OSBPL5: variants seen among roughly 807,000 people sequenced by gnomAD.
OSBPL5 encodes oxysterol-binding protein-related protein 5.
In OSBPL5, 71 loss-of-function variants were observed where a neutral mutation model predicts 111.2. That is an observed-to-expected ratio of 0.64 (90% CI 0.53 to 0.78). The LOEUF is 0.78. Ranked by LOEUF, OSBPL5 falls within the 30% of genes least tolerant of loss-of-function variation. The probability of loss-of-function intolerance (pLI) is 0.00; values close to 1 mark genes in which losing one functional copy is unlikely to be tolerated. For missense variants in OSBPL5, 1,210 were observed against 1,189.3 expected (o/e 1.02, Z -0.26); for synonymous variants, 549 against 513.9 (o/e 1.07, Z -0.93).
rs966178501 is a variant in OSBPL5 at position 3,109,063 on chromosome 11, G to A, written c.692-1118C>T. Reference sequence around the variant, plus strand: ...GATTACAGGTGTGAGCCACCACACCGGGTCAATAAGTGTGTTTTTTGTTTT... The same window carrying A: ...GATTACAGGTGTGAGCCACCACACCAGGTCAATAAGTGTGTTTTTTGTTTT... On this transcript the variant is annotated intron_variant, in intron 7 of 21. Transcript: ENST00000263650. This position sits in a 1 kb window ranked among gnomAD's most constrained non-coding sequence, Gnocchi z 7.4. 4.4e-4 allele frequency among the ~76,000 whole-genome samples: 65 copies of A among 148,922 alleles called. No homozygotes were observed. Among genetic ancestry groups the A allele is most frequent in the African/African-American group, 1.5e-3 (60 of 40,390 alleles).
rs1414014517 is a variant in OSBPL5, at chr11:3,104,937, C to T, written c.1060-560G>A. Among the ~76,000 whole-genome samples, 8 of 152,152 alleles carry T rather than the reference C, an allele frequency of 5.3e-5. No homozygotes were observed. Among genetic ancestry groups the T allele is most frequent in the South Asian group, 2.1e-4 (1 of 4,836 alleles). On this transcript the variant is annotated intron_variant, in intron 9 of 21. Coordinates refer to ENST00000263650, the MANE Select transcript of OSBPL5 (RefSeq NM_020896.4). This position sits in a 1 kb window ranked among gnomAD's most constrained non-coding sequence, Gnocchi z 5.0. Reference sequence around the variant, plus strand: ...GGAGGTGAGCCTGCTCCTGCAAAACCGACACGGGCATGTGAACTCACCCCT... The same window carrying T: ...GGAGGTGAGCCTGCTCCTGCAAAACTGACACGGGCATGTGAACTCACCCCT...
chr11:3,101,620 G>C lies in OSBPL5; in HGVS notation c.1505C>G (p.Ala502Gly). 6.2e-7 allele frequency: 1 copy of C among 1,613,888 alleles called. No individual in the cohort carries two copies. Among genetic ancestry groups the C allele is most frequent in the South Asian group, 1.1e-5 (1 of 91,066 alleles). ...DGFCISGSIT[A>G]KSRFYGNSLS... is the part of the protein sequence containing the mutation. ...CCCCTCACCATAAAACCTGGACTTG[G>C]CTGTGATGCTGCCACTGATGCAGAA... Residue 502 changes from alanine to glycine, a missense_variant, in exon 13 of 22, where the codon GCC (alanine) becomes GGC (glycine). Transcript: ENST00000263650.
At chr11:3,090,017 G>T in intron 20 of OSBPL5, 69 bp from the exon 21 acceptor site, 2 of 1,262,334 alleles carry the variant, frequency 1.6e-6, no homozygotes, top group Non-Finnish European at 2.2e-6. Flanking sequence ...GTCCAGTGGG[G>T]CTGGCACGTG....
rs368266909 is a variant in OSBPL5, at chr11:3,088,311, C to G, written c.2534G>C (p.Arg845Pro). 4 of 1,599,038 alleles carry G rather than the reference C, an allele frequency of 2.5e-6. No homozygotes were observed. Among genetic ancestry groups the G allele is most frequent in the Non-Finnish European group, 3.4e-6 (4 of 1,173,820 alleles). The change falls in exon 22 of 22, where the codon CGG becomes CCG. Residue 845 changes from arginine to proline, a missense_variant. Arg to Pro is a moderately radical substitution (Grantham distance 103). Transcript: ENST00000263650. ...HLSAMLSSTA[R>P]AAQAPTPGLL... ...GCCTGGGGTCGGTGCCTGTGCTGCCCGTGCCGTGGAGCTCAGCATGGCCGA... is the reference window on the plus strand; with the variant it reads ...GCCTGGGGTCGGTGCCTGTGCTGCCGGTGCCGTGGAGCTCAGCATGGCCGA...
chr11:3,131,390 C>A (rs1164645297), intron 1 of OSBPL5, among the ~76,000 whole-genome samples: 1 of 151,258 alleles, frequency 6.6e-6, no homozygotes, highest in Non-Finnish European at 1.5e-5. Context: ...TTCATCCATC[C>A]ATCCATCCAT....
chr11:3,094,009 G>A (rs921381808), intron 15 of OSBPL5, among the ~76,000 whole-genome samples, 174 bp from the exon 16 acceptor site: 7 of 152,176 alleles, frequency 4.6e-5, no homozygotes, highest in African/African-American at 1.7e-4. Context: ...GCTCAAGGAT[G>A]TAGTGTCCCT....
chr11:3,145,034 G>A (rs72844096), intron 1 of OSBPL5, among the ~76,000 whole-genome samples: 2 of 152,342 alleles, frequency 1.3e-5, no homozygotes, highest in African/African-American at 2.4e-5. Flanking sequence ...GAGGCCTTTG[G>A]GGGGCAGCCT....
rs958921908 is a variant in OSBPL5 at position 3,161,355 on chromosome 11, C to G, written c.-22+3861G>C. ...GATGATGGGACTCTGGGAAGAGTCA[C>G]GCCCTCTTGTCCTTCCCATCCTAGA... On this transcript the variant is annotated intron_variant, in intron 1 of 21. Transcript: ENST00000263650. This position sits in a 1 kb window ranked among gnomAD's most constrained non-coding sequence, Gnocchi z 8.0. 2 of 152,186 alleles carry G rather than the reference C, an allele frequency of 1.3e-5. No individual in the cohort carries two copies. Among genetic ancestry groups the G allele is most frequent in the African/African-American group, 2.4e-5 (1 of 41,440 alleles). 9.4% of individuals were successfully genotyped at this position (152,186 alleles called of 1,614,324 possible).
At chr11:3,120,036 A>G in intron 6 of OSBPL5, 1 of 411,514 alleles carries the variant, frequency 2.4e-6, no homozygotes, top group Non-Finnish European at 4.4e-6. Flanking sequence ...CTGAAATCCA[A>G]ATGTAACCAG....
At chr11:3,102,312 C>A in intron 11 of OSBPL5, 31 bp from the exon 12 acceptor site, 1 of 1,564,558 alleles carries the variant, frequency 6.4e-7, no homozygotes, top group South Asian at 1.2e-5. Context: ...TGTGAGGAGC[C>A]AGGTGGGTAA....
intron 5 of OSBPL5, among the ~76,000 whole-genome samples, 186 bp from the exon 6 acceptor site, chr11:3,120,810 C>T (rs1270821409): frequency 6.6e-6 from 1 of 152,214 alleles, no homozygotes; most frequent in Non-Finnish European, 1.5e-5. Flanking sequence ...GGGTGATGTC[C>T]TGTGTCTATC....
chr11:3,093,708 C>T, intron 16 of OSBPL5, 38 bp downstream of exon 16: 1 of 1,612,522 alleles, frequency 6.2e-7, no homozygotes, highest in Non-Finnish European at 8.5e-7. Flanking sequence ...CTGGCGTTGA[C>T]CGCCCGGCCG....
chr11:3,134,857 G>A (rs977327665), intron 1 of OSBPL5, among the ~76,000 whole-genome samples: 4 of 152,196 alleles, frequency 2.6e-5, no homozygotes, highest in African/African-American at 7.2e-5. Context: ...GGAGGGGCAA[G>A]TGTGGGTGCC....
intron 1 of OSBPL5, among the ~76,000 whole-genome samples, chr11:3,135,484 G>A (rs1421584345): frequency 2.0e-5 from 3 of 152,362 alleles, no homozygotes; most frequent in Non-Finnish European, 4.4e-5. Flanking sequence ...TCTGGGCAAG[G>A]AGGTGGATGC....
intron 1 of OSBPL5, among the ~76,000 whole-genome samples, chr11:3,157,927 G>A (rs1846831329): frequency 6.6e-6 from 1 of 152,204 alleles, no homozygotes; most frequent in African/African-American, 2.4e-5. Flanking sequence ...AGCACACTGG[G>A]GCCAAGCACC....
At position 3,087,908 on chromosome 11, in the gene OSBPL5, A is replaced by C; in HGVS notation, c.*297T>G. ...ATCCCCCATGGCAAGTGGAGGCCGG[A>C]CAGGGGGTGACACGGCAAGATGGCC... is the stretch of plus-strand genomic sequence containing the variant. On this transcript the variant is annotated 3_prime_UTR_variant, in exon 22 of 22. Coordinates refer to ENST00000263650, the MANE Select transcript of OSBPL5 (RefSeq NM_020896.4). 1 of 256,912 alleles carries C rather than the reference A, an allele frequency of 3.9e-6. No homozygotes were observed. The highest frequency in any genetic ancestry group is 7.3e-6 in the Non-Finnish European group (1 of 136,480). The allele number at this position is 256,912 out of a possible 1,614,324, so 15.9% of individuals were successfully genotyped here. A position where few individuals can be genotyped will look rare whatever the true frequency, so the allele number is the denominator to read the frequency against.
At position 3,092,954 on chromosome 11, in the gene OSBPL5, C is replaced by T. The variant is rs138921217; in HGVS notation, c.2045G>A (p.Arg682His). The change falls in exon 18 of 22, where the codon CGT (arginine) becomes CAT (histidine). Residue 682 changes from arginine (R) to histidine (H), a missense_variant. Transcript: ENST00000263650. The surrounding 1 kb of genome is among the most constrained non-coding windows in gnomAD (Gnocchi z 5.4). ...ALEEAQRQRA[R>H]ERQESLMPWK... ...GGGCATGAGGCTCTCCTGCCGCTCA[C>T]GGGCCCGCTGCCGCTGTGCCTCCTC... 44 of 1,589,264 alleles carry T rather than the reference C, an allele frequency of 2.8e-5. No homozygotes were observed. The highest frequency in any genetic ancestry group is 1.7e-4 in the Middle Eastern group (1 of 5,948).
chr11:3,144,311 T>C (rs1464878461), intron 1 of OSBPL5, among the ~76,000 whole-genome samples: 1 of 152,142 alleles, frequency 6.6e-6, no homozygotes, highest in East Asian at 1.9e-4. Context: ...CAAGGAGCAG[T>C]GTGAGGTGCC....
At position 3,162,692 on chromosome 11, in the gene OSBPL5, C is replaced by A. The variant is rs1036228614; in HGVS notation, c.-22+2524G>T. ...AGACCCAGCCACCAAGGCCCCAAAA[C>A]CTTTAAAAATCTTGACCAGCCCAGG... is the stretch of plus-strand genomic sequence containing the variant. On this transcript the variant is annotated intron_variant, in intron 1 of 21. Transcript: ENST00000263650. This position sits in a 1 kb window ranked among gnomAD's most constrained non-coding sequence, Gnocchi z 8.1. Among the ~76,000 whole-genome samples, 4 of 152,154 alleles carry A rather than the reference C, an allele frequency of 2.6e-5. No homozygotes were observed. Among genetic ancestry groups the A allele is most frequent in the Middle Eastern group, 3.4e-3 (1 of 294 alleles).
Sources: gnomAD v4.1 joint callset for allele counts (sites outside exome capture counted in the v4.1 genomes callset) on GRCh38, gnomAD v4.1.1 for gene constraint, Gnocchi (gnomAD v3.1) non-coding constraint, MANE v1.5 for transcripts, NCBI Gene and HGNC (gene_info 2026-07-23, HGNC 2026-07-21) for gene names.